Variants in LRRCC1 observed in about 807,000 individuals in gnomAD.
LRRCC1 encodes leucine-rich repeat and coiled-coil domain-containing protein 1.
LRRCC1 carries 115 observed loss-of-function variants against 126.0 expected under a neutral mutation model. The observed-to-expected ratio is 0.91, with a 90% CI of 0.78 to 1.07. The LOEUF is 1.07. LRRCC1 is among the 50% of genes least tolerant of loss of function. LRRCC1 has a pLI of 0.00. For synonymous variants in LRRCC1, 400 were observed against 393.4 expected (o/e 1.02, Z -0.20); for missense variants, 1,172 against 1,175.7 (o/e 1.00, Z 0.05).
intron 1 of LRRCC1, among the ~76,000 whole-genome samples, chr8:85,108,469 C>T (rs1255753763): frequency 1.3e-5 from 2 of 152,166 alleles, no homozygotes. Context: ...GAATTAAGTT[C>T]GGATTCAAAC....
intron 13 of LRRCC1, among the ~76,000 whole-genome samples, 174 bp from the exon 14 acceptor site, chr8:85,135,614 CT>C (rs1226063645): frequency 1.3e-5 from 2 of 151,994 alleles, no homozygotes; most frequent in African/African-American, 4.8e-5. Flanking sequence ...TTAAATTCGA[CT>C]GTTTATTTCA....
intron 12 of LRRCC1, 53 bp downstream of exon 12, chr8:85,132,014 T>C: frequency 1.4e-6 from 2 of 1,434,616 alleles, no homozygotes; most frequent in Non-Finnish European, 1.9e-6. Flanking sequence ...AAGATATGGT[T>C]TGATGAGAGG....
intron 17 of LRRCC1, among the ~76,000 whole-genome samples, chr8:85,139,562 G>A (rs1811122691): frequency 6.6e-6 from 1 of 152,042 alleles, no homozygotes; most frequent in African/African-American, 2.4e-5. Context: ...CACCACGCCC[G>A]GCCGAGAGCC....
Position 85,145,631 on chromosome 8 carries a change from G to T in LRRCC1, c.*120G>T. ...TGTCTCTTTCTATACATTTCATTAT[G>T]AATATATTTTTAAAGACTTTTGATC... is the stretch of plus-strand genomic sequence containing the variant. On this transcript the variant is annotated 3_prime_UTR_variant, in exon 19 of 19. Coordinates refer to ENST00000360375, the MANE Select transcript of LRRCC1 (RefSeq NM_033402.5). 5.3e-6 allele frequency: 4 copies of T among 754,276 alleles called. No individual in the cohort carries two copies. Among genetic ancestry groups the T allele is most frequent in the East Asian group, 3.6e-5 (1 of 27,756 alleles). The allele number at this position is 754,276 out of a possible 1,614,324, so 46.7% of individuals were successfully genotyped here.
chr8:85,110,229 GTGATA>G (rs779764657), intron 3 of LRRCC1, 49 bp downstream of exon 3: 3 of 794,498 alleles, frequency 3.8e-6, no homozygotes, highest in Non-Finnish European at 5.8e-6. Context: ...TGTGCCACAT[GTGATA>G]AGTTAACAGC....
intron 6 of LRRCC1, 25 bp from the exon 7 acceptor site, chr8:85,123,388 A>G (rs1214428949): frequency 6.6e-7 from 1 of 1,516,374 alleles, no homozygotes; most frequent in Admixed American, 2.2e-5. Flanking sequence ...CTTTTAACAA[A>G]TTTTGTTGGC....
rs373451900 is a variant in LRRCC1, at chr8:85,145,329, G to A, written c.2977-60G>A. 22 of 1,275,106 alleles carry A rather than the reference G, an allele frequency of 1.7e-5. No individual in the cohort carries two copies. The East Asian group carries it at 3.6e-4, about 21-fold the overall frequency. The allele number at this position is 1,275,106 out of a possible 1,614,324, so 79.0% of individuals were successfully genotyped here. On this transcript the variant is annotated intron_variant, in intron 18 of 18. Coordinates refer to ENST00000360375, the MANE Select transcript of LRRCC1 (RefSeq NM_033402.5). ...AATTTTGGACCTTTTCTTTCAGAAT[G>A]CATTTTAAAAATACATTTTCTTTAA...
At chr8:85,126,095 C>CT (rs1809974996) in intron 8 of LRRCC1, among the ~76,000 whole-genome samples, 1 of 152,116 alleles carries the variant, frequency 6.6e-6, no homozygotes, top group South Asian at 2.1e-4. Flanking sequence ...GGTAAGGACT[C>CT]TGTTTCCTTA....
intron 3 of LRRCC1, among the ~76,000 whole-genome samples, 167 bp downstream of exon 3, chr8:85,110,347 A>C (rs1808609901): frequency 6.6e-6 from 1 of 152,220 alleles, no homozygotes; most frequent in Non-Finnish European, 1.5e-5. Flanking sequence ...GTTGGTACCA[A>C]AACCACAGCT....
At position 85,127,138 on chromosome 8, in the gene LRRCC1, G is replaced by A. The variant is rs1212841543; in HGVS notation, c.1421+301G>A. ...TATGTAAAGTGCCAGATTCTGTAAA[G>A]GGCAGGCATTGGCAGCCTTTTTCTT... is the stretch of plus-strand genomic sequence containing the variant. On this transcript the variant is annotated intron_variant, in intron 9 of 18. Transcript: ENST00000360375. Among the ~76,000 whole-genome samples the A allele has an allele frequency of 3.9e-5, 6 of 152,292 alleles. No individual in the cohort carries two copies. The East Asian group carries it at 1.2e-3, about 29-fold the overall frequency.
chr8:85,141,288 A>G (rs1460367282), intron 17 of LRRCC1, 94 bp from the exon 18 acceptor site: 2 of 946,730 alleles, frequency 2.1e-6, no homozygotes, highest in African/African-American at 1.6e-5. Context: ...TTCCATTAGT[A>G]TGAATGTGAG....
chr8:85,124,367 A>G (rs1238723161), intron 7 of LRRCC1, among the ~76,000 whole-genome samples: 1 of 152,152 alleles, frequency 6.6e-6, no homozygotes, highest in South Asian at 2.1e-4. Context: ...TTTCCAGGAC[A>G]TACCCTGGAA....
chr8:85,109,239 C>T (rs77325267), intron 1 of LRRCC1: 3,301 of 201,886 alleles, frequency 0.016, 122 homozygotes, highest in African/African-American at 0.07. Context: ...ACAGCAAAAC[C>T]GTGATAGAAT....
At chr8:85,124,976 T>G (rs2135954841) in intron 8 of LRRCC1, 37 bp downstream of exon 8, 5 of 1,417,230 alleles carry the variant, frequency 3.5e-6, no homozygotes, top group Non-Finnish European at 4.8e-6. Flanking sequence ...TGAGTATGAA[T>G]AATTTTAAAT....
intron 14 of LRRCC1, 29 bp downstream of exon 14, chr8:85,135,992 A>C: frequency 2.0e-6 from 3 of 1,515,694 alleles, no homozygotes; most frequent in Non-Finnish European, 2.7e-6. Flanking sequence ...CAAAGGGAAA[A>C]TAGCTTATTC....
chr8:85,127,407 C>G (rs1178667279), intron 9 of LRRCC1, among the ~76,000 whole-genome samples: 1 of 151,842 alleles, frequency 6.6e-6, no homozygotes, highest in Non-Finnish European at 1.5e-5. Context: ...TCTTCTGTTT[C>G]CTGTAATTAT....
At chr8:85,132,967 C>G (rs879525475) in intron 12 of LRRCC1, among the ~76,000 whole-genome samples, 7 of 151,968 alleles carry the variant, frequency 4.6e-5, no homozygotes, top group Non-Finnish European at 1.0e-4. Context: ...TGTGATTTCT[C>G]TTATCTTAAG....
In LRRCC1 at chr8:85,112,912, G is replaced by T. The variant is rs777869728; in HGVS notation, c.377-20G>T. 2.6e-6 allele frequency: 4 copies of T among 1,522,728 alleles called. No homozygotes were observed. Among genetic ancestry groups the T allele is most frequent in the South Asian group, 2.6e-5 (2 of 77,794 alleles). The allele number at this position is 1,522,728 out of a possible 1,614,324, so 94.3% of individuals were successfully genotyped here. A position where few individuals can be genotyped will look rare whatever the true frequency, so the allele number is the denominator to read the frequency against. ...AAAGACTATTGCTGTGGCATTTAAA[G>T]AATTATGTTCCTATTGCAGGATTGA... On this transcript the variant is annotated intron_variant, in intron 3 of 18. Transcript: ENST00000360375.
chr8:85,114,970 AC>A (rs1367974831), intron 4 of LRRCC1, 129 bp from the exon 5 acceptor site: 7 of 614,628 alleles, frequency 1.1e-5, no homozygotes, highest in African/African-American at 7.5e-5. Context: ...TGAATAAGTA[AC>A]AAGTTTATTA....
Sources: gnomAD v4.1 joint callset for allele counts (sites outside exome capture counted in the v4.1 genomes callset) on GRCh38, gnomAD v4.1.1 for gene constraint, MANE v1.5 for transcripts, NCBI Gene and HGNC (gene_info 2026-07-23, HGNC 2026-07-21) for gene names.